Variants in ZNF81 observed in about 807,000 individuals in gnomAD.
ZNF81 encodes zinc finger protein 81 (HFZ20).
ZNF81 carries 5 observed loss-of-function variants against 32.3 expected under a neutral mutation model. The ratio of observed to expected loss-of-function variants is 0.15; its 90% confidence interval spans 0.08 to 0.33. The LOEUF (loss-of-function observed/expected upper bound fraction) is 0.33, where lower values mean the gene tolerates loss of function less well. ZNF81 is among the 10% of genes least tolerant of loss of function. ZNF81 has a pLI of 1.00. For missense variants in ZNF81, 379 were observed against 479.8 expected (o/e 0.79, Z 1.96); for synonymous variants, 163 against 166.8 (o/e 0.98, Z 0.17).
chrX:47,875,576 C>T (rs2058596674), intron 2 of ZNF81, among the ~76,000 whole-genome samples: 1 of 112,128 alleles, frequency 8.9e-6, no homozygotes, highest in South Asian at 3.7e-4. Flanking sequence ...ATTTGTCTGG[C>T]TAGTATTTGA....
chrX:47,915,598 A>G lies in ZNF81; in HGVS notation c.952A>G (p.Ser318Gly), dbSNP rs376288689. The G allele has an allele frequency of 2.8e-5, 34 of 1,209,495 alleles. No individual in the cohort carries two copies. The highest frequency in any genetic ancestry group is 1.3e-4 in the Admixed American group (6 of 45,719). Reference protein sequence around the residue: ...VNVFTQKPLLSIYLRVHRDEK... With the variant: ...VNVFTQKPLLGIYLRVHRDEK... The stretch of plus-strand genomic sequence containing the variant: ...TGTTTTTACACAGAAGCCACTACTC[A>G]GTATATATCTGAGAGTTCATAGAGA... The change falls in exon 5 of 5, where the codon AGT (serine) becomes GGT (glycine). Residue 318 changes from serine (S) to glycine (G), a missense_variant. This residue lies in a region of ZNF81 where 277 missense variants were observed against 306.6 expected (regional missense o/e 0.90). Transcript: ENST00000338637.
intron 4 of ZNF81, among the ~76,000 whole-genome samples, chrX:47,900,154 G>A (rs1411225528): frequency 1.8e-5 from 2 of 111,387 alleles, no homozygotes; most frequent in Non-Finnish European, 3.8e-5. Context: ...ACACAGTCTT[G>A]AGGAAGAAGA....
At chrX:47,914,402 G>C (rs1556890284) in intron 4 of ZNF81, among the ~76,000 whole-genome samples, 1 of 112,063 alleles carries the variant, frequency 8.9e-6, no homozygotes, top group Non-Finnish European at 1.9e-5. Flanking sequence ...ATTGAAAAAT[G>C]GCTATCACCT....
chrX:47,858,747 A>G (rs2148012299), intron 2 of ZNF81, among the ~76,000 whole-genome samples: 1 of 111,962 alleles, frequency 8.9e-6, no homozygotes, highest in South Asian at 3.7e-4. Context: ...TCTTTTTAAT[A>G]TGTTTCACTA....
At chrX:47,902,472 G>A (rs1424617973) in intron 4 of ZNF81, among the ~76,000 whole-genome samples, 1 of 111,420 alleles carries the variant, frequency 9.0e-6, no homozygotes, top group Non-Finnish European at 1.9e-5. Context: ...ACATACATAG[G>A]TTACTACATC....
chrX:47,876,327 ACT>A (rs1424997961), intron 2 of ZNF81, among the ~76,000 whole-genome samples: 23 of 112,380 alleles, frequency 2.0e-4, no homozygotes, highest in Middle Eastern at 8.4e-3. Context: ...TGAAAATTCA[ACT>A]CTTTTTTAAC....
chrX:47,863,145 A>G (rs1307380844), intron 2 of ZNF81, among the ~76,000 whole-genome samples: 1 of 111,533 alleles, frequency 9.0e-6, no homozygotes, highest in East Asian at 2.8e-4. Flanking sequence ...TGTTTCCAAA[A>G]CATGAAACGG....
intron 3 of ZNF81, 143 bp from the exon 4 acceptor site, chrX:47,895,702 C>T: frequency 1.9e-6 from 1 of 514,540 alleles, no homozygotes. Context: ...ATGATGATGT[C>T]CTCCTTGACT....
At chrX:47,907,261 C>T (rs1232391777) in intron 4 of ZNF81, among the ~76,000 whole-genome samples, 1 of 92,801 alleles carries the variant, frequency 1.1e-5, no homozygotes, top group East Asian at 3.2e-4. Context: ...TGTAACTGCC[C>T]AGAAGGGTGA....
intron 4 of ZNF81, among the ~76,000 whole-genome samples, chrX:47,910,917 A>G (rs1556889835): frequency 9.0e-6 from 1 of 111,142 alleles, no homozygotes. Context: ...TTTTTAAAGA[A>G]TGCTACTTAG....
At chrX:47,871,550 C>T (rs1445303416) in intron 2 of ZNF81, among the ~76,000 whole-genome samples, 1 of 111,728 alleles carries the variant, frequency 9.0e-6, no homozygotes, top group Admixed American at 9.5e-5. Flanking sequence ...AGGTTGCTGC[C>T]TAGTATCTTC....
At chrX:47,904,071 T>C (rs1367730830) in intron 4 of ZNF81, among the ~76,000 whole-genome samples, 18 of 111,700 alleles carry the variant, frequency 1.6e-4, no homozygotes, top group African/African-American at 5.9e-4. Flanking sequence ...CAAGATGGAT[T>C]AAAGACTTAA....
chrX:47,844,936 T>A (rs1328199778), intron 1 of ZNF81, among the ~76,000 whole-genome samples: 1 of 112,380 alleles, frequency 8.9e-6, no homozygotes, highest in Non-Finnish European at 1.9e-5. Context: ...ATTTTCCTAA[T>A]GACTGATGTT....
At chrX:47,858,176 TA>T (rs1213867554) in intron 2 of ZNF81, among the ~76,000 whole-genome samples, 2 of 111,918 alleles carry the variant, frequency 1.8e-5, no homozygotes, top group Non-Finnish European at 3.8e-5. Flanking sequence ...TCCAATATTA[TA>T]AAATCTATAA....
intron 1 of ZNF81, among the ~76,000 whole-genome samples, chrX:47,844,319 A>G (rs59585380): frequency 0.064 from 7,055 of 110,859 alleles, 266 homozygotes; most frequent in African/African-American, 0.13. Flanking sequence ...GACATTTACC[A>G]TTCATGCCAC....
intron 1 of ZNF81, among the ~76,000 whole-genome samples, chrX:47,839,923 G>GT (rs1175487996): frequency 5.6e-5 from 4 of 71,860 alleles, no homozygotes; most frequent in Admixed American, 1.8e-4. Flanking sequence ...AATATTGTGA[G>GT]TTTTTTTTGC....
At chrX:47,893,578 A>G (rs1276645281) in intron 3 of ZNF81, among the ~76,000 whole-genome samples, 2 of 110,464 alleles carry the variant, frequency 1.8e-5, no homozygotes, top group Non-Finnish European at 3.8e-5. Flanking sequence ...TCTGTTCCTT[A>G]CAGAACCCAG....
chrX:47,899,951 T>C (rs1408050865), intron 4 of ZNF81, among the ~76,000 whole-genome samples: 1 of 111,532 alleles, frequency 9.0e-6, no homozygotes, highest in Non-Finnish European at 1.9e-5. Flanking sequence ...CTGCAAAGAA[T>C]GTATGTTCAG....
In ZNF81 at chrX:47,924,559, C is replaced by T. The variant is rs1556892432; in HGVS notation, c.*7927C>T. 2.7e-5 allele frequency among the ~76,000 whole-genome samples: 3 copies of T among 111,924 alleles called. No homozygotes were observed. Among genetic ancestry groups the T allele is most frequent in the African/African-American group, 9.7e-5 (3 of 30,775 alleles). On this transcript the variant is annotated 3_prime_UTR_variant, in exon 5 of 5. Coordinates refer to ENST00000338637, the MANE Select transcript of ZNF81 (RefSeq NM_007137.5). Reference sequence around the variant, plus strand: ...TTATGCATATGTAAGATGTCTTTGTCACCTTCTACATTCATCTTCTACCAA... The same window carrying T: ...TTATGCATATGTAAGATGTCTTTGTTACCTTCTACATTCATCTTCTACCAA...
Sources: gnomAD v4.1 joint callset for allele counts (sites outside exome capture counted in the v4.1 genomes callset) on GRCh38, gnomAD v4.1.1 for gene constraint, gnomAD v4.1.1 regional missense constraint, MANE v1.5 for transcripts, NCBI Gene and HGNC (gene_info 2026-07-23, HGNC 2026-07-21) for gene names.